PIK3R3: variants seen among roughly 807,000 people sequenced by gnomAD.
PIK3R3 encodes phosphatidylinositol 3-kinase regulatory subunit gamma.
A neutral mutation model predicts 62.9 loss-of-function variants in PIK3R3; 64 were observed. The ratio of observed to expected loss-of-function variants is 1.02; its 90% confidence interval spans 0.83 to 1.25. The LOEUF (loss-of-function observed/expected upper bound fraction) is 1.25, where lower values mean the gene tolerates loss of function less well. Among genes scored for constraint, PIK3R3 ranks in the 50% most tolerant of loss-of-function variants. The pLI is 0.00. For missense variants in PIK3R3, 614 were observed against 561.6 expected (o/e 1.09, Z -0.94); for synonymous variants, 165 against 189.0 (o/e 0.87, Z 1.04).
In PIK3R3 at chr1:46,040,728, C is replaced by T. The variant is rs866563128; in HGVS notation, c.*2945G>A. 5.0e-6 allele frequency: 1 copy of T among 200,390 alleles called. No homozygotes were observed. Among genetic ancestry groups the T allele is most frequent in the African/African-American group, 2.3e-5 (1 of 43,456 alleles). The allele number at this position is 200,390 out of a possible 1,614,324, so 12.4% of individuals were successfully genotyped here. On this transcript the variant is annotated 3_prime_UTR_variant, in exon 10 of 10. Transcript: ENST00000262741. Reference sequence around the variant, plus strand: ...TGATTACTTGTAGCAAAAAAGAGACCCGTGGAAGACACATTGGCTCTCAAA... The same window carrying T: ...TGATTACTTGTAGCAAAAAAGAGACTCGTGGAAGACACATTGGCTCTCAAA...
the PIK3R3 span, among the ~76,000 whole-genome samples, chr1:46,161,819 A>G: frequency 1.7e-4 from 26 of 152,238 alleles, no homozygotes; most frequent in African/African-American, 4.6e-4. Flanking sequence ...CAGGCCAGGC[A>G]CGGTGGCTCA....
intron 1 of PIK3R3, chr1:46,104,938 A>AG (rs1653050586): frequency 1.9e-6 from 1 of 526,524 alleles, no homozygotes. Flanking sequence ...AAAAAAAAAA[A>AG]AAAAAAAAAA....
Position 46,115,992 on chromosome 1 carries a change from G to A in PIK3R3, c.106+15855C>T, listed in dbSNP as rs1461211650. On this transcript the variant is annotated intron_variant, in intron 1 of 9. Transcript: ENST00000262741. ...AGACTGCTCAAGTTGTCATGAGTTG[G>A]TAAGTTTTAAGAGAGAAGAAAGTTT... Among the ~76,000 whole-genome samples, 5 of 152,262 alleles carry A rather than the reference G, an allele frequency of 3.3e-5. No homozygotes were observed. The South Asian group carries it at 8.3e-4, about 25-fold the overall frequency.
At chr1:46,101,648 T>A (rs574026559) in intron 1 of PIK3R3, among the ~76,000 whole-genome samples, 1 of 152,346 alleles carries the variant, frequency 6.6e-6, no homozygotes, top group African/African-American at 2.4e-5. Flanking sequence ...GCAATATGGA[T>A]GAACACCAAC....
At chr1:46,055,738 T>C (rs1647825845) in intron 7 of PIK3R3, 57 bp downstream of exon 7, 1 of 1,106,794 alleles carries the variant, frequency 9.0e-7, no homozygotes. Context: ...GTGTCTCTAG[T>C]GCTGGTAGTA....
At chr1:46,047,497 T>C (rs1647147780) in intron 7 of PIK3R3, among the ~76,000 whole-genome samples, 1 of 148,516 alleles carries the variant, frequency 6.7e-6, no homozygotes, top group Non-Finnish European at 1.5e-5. Flanking sequence ...TAAAATGTGC[T>C]AGTATTTTAA....
chr1:46,151,569 C>T, the PIK3R3 span, among the ~76,000 whole-genome samples: 1 of 152,066 alleles, frequency 6.6e-6, no homozygotes, highest in African/African-American at 2.4e-5. Context: ...ATAATGAAAC[C>T]CCATTTCTGC....
chr1:46,060,880 G>A (rs1648420300), intron 6 of PIK3R3, among the ~76,000 whole-genome samples: 1 of 152,176 alleles, frequency 6.6e-6, no homozygotes, highest in African/African-American at 2.4e-5. Flanking sequence ...TTAATTACTT[G>A]TATTTATTAT....
At chr1:46,074,467 A>T (rs1400737676) in intron 3 of PIK3R3, among the ~76,000 whole-genome samples, 1 of 152,046 alleles carries the variant, frequency 6.6e-6, no homozygotes, top group Non-Finnish European at 1.5e-5. Flanking sequence ...CATGTAGCAC[A>T]TCTCCTCATG....
At chr1:46,115,710 C>T (rs1310518560) in intron 1 of PIK3R3, among the ~76,000 whole-genome samples, 1 of 152,206 alleles carries the variant, frequency 6.6e-6, no homozygotes, top group East Asian at 1.9e-4. Flanking sequence ...CCTCGTTGTC[C>T]TTCTAAAACT....
In PIK3R3 at chr1:46,045,922, C is replaced by G; in HGVS notation, c.1183G>C (p.Val395Leu). 1 of 1,612,622 alleles carries G rather than the reference C, an allele frequency of 6.2e-7. No homozygotes were observed. Among genetic ancestry groups the G allele is most frequent in the Non-Finnish European group, 8.5e-7 (1 of 1,179,024 alleles). ...ATATCCCCAGAGAAGACTTACACCA[C>G]AGAGCAAGCATAGCATCCTTTCTTG... Reference protein sequence around the residue: ...SSKKGCYACSVVADGEVKHCV... With the variant: ...SSKKGCYACSLVADGEVKHCV... Residue 395 changes from valine (V) to leucine (L), a missense_variant, in exon 9 of 10, where the codon GTG becomes CTG. Transcript: ENST00000262741.
At chr1:46,046,845 G>A in intron 7 of PIK3R3, 1 of 552,426 alleles carries the variant, frequency 1.8e-6, no homozygotes, top group Non-Finnish European at 3.2e-6. Context: ...AAACATAGAG[G>A]GCTACTTGAA....
chr1:46,126,468 A>G (rs1237438107), intron 1 of PIK3R3, among the ~76,000 whole-genome samples: 1 of 151,044 alleles, frequency 6.6e-6, no homozygotes, highest in Non-Finnish European at 1.5e-5. Context: ...AGCCTGGGAG[A>G]TGGAGGTTCC....
intron 7 of PIK3R3, among the ~76,000 whole-genome samples, chr1:46,049,050 G>C (rs939551569): frequency 5.9e-5 from 9 of 151,938 alleles, no homozygotes; most frequent in Admixed American, 4.6e-4. Context: ...CTCTGATTCT[G>C]TTGGTGTGGT....
At chr1:46,089,928 G>GT (rs1557598639) in intron 1 of PIK3R3, among the ~76,000 whole-genome samples, 1 of 151,978 alleles carries the variant, frequency 6.6e-6, no homozygotes, top group Non-Finnish European at 1.5e-5. Context: ...ACATCAAAAA[G>GT]TGAAAAATTA....
chr1:46,147,751 G>C, the PIK3R3 span, among the ~76,000 whole-genome samples: 5 of 152,134 alleles, frequency 3.3e-5, no homozygotes, highest in African/African-American at 1.2e-4. Flanking sequence ...AAATAGTGTT[G>C]CACCTCACTA....
At chr1:46,164,296 C>T in the PIK3R3 span, among the ~76,000 whole-genome samples, 1 of 152,168 alleles carries the variant, frequency 6.6e-6, no homozygotes, top group African/African-American at 2.4e-5. Context: ...ATACCTCCCT[C>T]TCACTCAATT....
rs1649045711 is a variant in PIK3R3, at chr1:46,066,922, T to C, written c.484A>G (p.Arg162Gly). Residue 162 changes from arginine (R) to glycine (G), a missense_variant, in exon 4 of 10, where the codon AGA becomes GGA. Physicochemically the swap from Arg to Gly is moderately radical, Grantham distance 125 (BLOSUM62 -2). Coordinates refer to ENST00000262741, the MANE Select transcript of PIK3R3 (RefSeq NM_003629.4). Reference sequence around the variant, plus strand: ...TTCCATAATCATACCTGTTGGTATCTGGACACTGGGTACATCAGCTTCACA... The same window carrying C: ...TTCCATAATCATACCTGTTGGTATCCGGACACTGGGTACATCAGCTTCACA... The part of the protein sequence containing the change: ...LDVKLMYPVS[R>G]YQQDQLVKED... 1 of 1,612,970 alleles carries C rather than the reference T, an allele frequency of 6.2e-7. No individual in the cohort carries two copies. The highest frequency in any genetic ancestry group is 1.3e-5 in the African/African-American group (1 of 74,850).
At chr1:46,084,905 A>C (rs1253012459) in intron 1 of PIK3R3, among the ~76,000 whole-genome samples, 1 of 152,218 alleles carries the variant, frequency 6.6e-6, no homozygotes, top group Non-Finnish European at 1.5e-5. Context: ...TCATTGTATC[A>C]GCAGGTGGGT....
Sources: gnomAD v4.1 joint callset for allele counts (sites outside exome capture counted in the v4.1 genomes callset) on GRCh38, gnomAD v4.1.1 for gene constraint, MANE v1.5 for transcripts, NCBI Gene and HGNC (gene_info 2026-07-23, HGNC 2026-07-21) for gene names.